The following CACNB2 variants were observed in gnomAD, a reference collection of about 807,000 sequenced individuals.
CACNB2 encodes the protein voltage-dependent L-type calcium channel subunit beta-2.
In CACNB2, 42 loss-of-function variants were observed where a neutral mutation model predicts 73.3. That is an observed-to-expected ratio of 0.57 (90% CI 0.45 to 0.74). CACNB2 has a LOEUF of 0.74. Ranked by LOEUF, CACNB2 falls within the 30% of genes least tolerant of loss-of-function variation. The pLI, the probability that CACNB2 is intolerant of heterozygous loss-of-function variation, is 0.00. For missense variants in CACNB2, 940 were observed against 853.0 expected, an observed-to-expected ratio of 1.10 and a Z score of -1.27; for synonymous variants, 348 against 310.3, an observed-to-expected ratio of 1.12 and a Z score of -1.28.
chr10:18,295,009 C>G (rs911825609), intron 2 of CACNB2, among the ~76,000 whole-genome samples: 12 of 152,162 alleles, frequency 7.9e-5, no homozygotes, highest in African/African-American at 1.7e-4. Flanking sequence ...CTGACACAGT[C>G]AAGCTTCATA....
intron 2 of CACNB2, among the ~76,000 whole-genome samples, chr10:18,288,467 T>A (rs920160129): frequency 6.6e-6 from 1 of 152,158 alleles, no homozygotes; most frequent in Admixed American, 6.5e-5. Context: ...AGTCAAAAGA[T>A]CAGGCTCCAA....
At chr10:18,402,665 C>T (rs1401116279) in intron 3 of CACNB2, among the ~76,000 whole-genome samples, 1 of 152,182 alleles carries the variant, frequency 6.6e-6, no homozygotes, top group Non-Finnish European at 1.5e-5. Context: ...TTACAGGATT[C>T]ATCTCAGGCC....
chr10:18,387,653 A>G (rs1489821682), intron 2 of CACNB2, among the ~76,000 whole-genome samples: 1 of 152,068 alleles, frequency 6.6e-6, no homozygotes, highest in Non-Finnish European at 1.5e-5. Context: ...TAGTAGAAGG[A>G]TCTAGCACAT....
chr10:18,441,945 G>A (rs1308495888), intron 3 of CACNB2, among the ~76,000 whole-genome samples: 3 of 152,208 alleles, frequency 2.0e-5, no homozygotes, highest in African/African-American at 7.2e-5. Context: ...TGATATACAT[G>A]TGTGTTGTAT....
chr10:18,481,561 C>CA (rs2048780127), intron 3 of CACNB2, among the ~76,000 whole-genome samples: 1 of 151,736 alleles, frequency 6.6e-6, no homozygotes, highest in Admixed American at 6.6e-5. Flanking sequence ...ATTCCTTTAA[C>CA]AGAGTGTCTT....
intron 3 of CACNB2, among the ~76,000 whole-genome samples, chr10:18,410,369 C>T (rs2132620338): frequency 6.6e-6 from 1 of 151,770 alleles, no homozygotes; most frequent in East Asian, 1.9e-4. Flanking sequence ...AAACATACTA[C>T]AAAAAAGAAA....
At chr10:18,193,966 A>C (rs187255941) in intron 2 of CACNB2, among the ~76,000 whole-genome samples, 43 of 152,286 alleles carry the variant, frequency 2.8e-4, no homozygotes, top group African/African-American at 8.7e-4. Flanking sequence ...TACAGAAAAA[A>C]ATAAAAAGAA....
In CACNB2 at chr10:18,205,375, G is replaced by A. The variant is rs1379113027; in HGVS notation, c.213+54400G>A. 2.6e-5 allele frequency among the ~76,000 whole-genome samples: 4 copies of A among 152,130 alleles called. No individual in the cohort carries two copies. In the South Asian group the frequency reaches 6.2e-4, roughly 24 times the overall value. On this transcript the variant is annotated intron_variant, in intron 2 of 13. Coordinates refer to ENST00000324631, the MANE Select transcript of CACNB2 (RefSeq NM_201596.3). ...TACTAAGCGCAGCAATTAGCCCAGC[G>A]AGCACTCGTAAATGGTAGCTGTTAT...
At chr10:18,511,617 G>A (rs1395162411) in intron 6 of CACNB2, among the ~76,000 whole-genome samples, 8 of 152,184 alleles carry the variant, frequency 5.3e-5, no homozygotes, top group Non-Finnish European at 1.2e-4. Flanking sequence ...GAGCTAACAT[G>A]TATAATATGA....
intron 3 of CACNB2, among the ~76,000 whole-genome samples, chr10:18,414,369 A>G (rs995880020): frequency 6.6e-6 from 1 of 151,844 alleles, no homozygotes; most frequent in African/African-American, 2.4e-5. Flanking sequence ...CTGTTTATTT[A>G]TGGTTATATT....
chr10:18,496,827 A>T (rs1359969631), intron 3 of CACNB2, among the ~76,000 whole-genome samples: 2 of 150,694 alleles, frequency 1.3e-5, no homozygotes, highest in Non-Finnish European at 3.0e-5. Context: ...AAAAAAAAAA[A>T]AAAAAAAGGA....
At chr10:18,216,807 A>C (rs2035530722) in intron 2 of CACNB2, among the ~76,000 whole-genome samples, 1 of 152,194 alleles carries the variant, frequency 6.6e-6, no homozygotes, top group Non-Finnish European at 1.5e-5. Flanking sequence ...CTCATGAAAA[A>C]TTCCTTAAAA....
intron 2 of CACNB2, among the ~76,000 whole-genome samples, chr10:18,266,586 C>T (rs1400197526): frequency 6.6e-6 from 1 of 151,796 alleles, no homozygotes; most frequent in African/African-American, 2.4e-5. Context: ...ATTGTCCCGA[C>T]AGTTAAAATA....
chr10:18,260,847 G>T, intron 2 of CACNB2: 1 of 1,076,210 alleles, frequency 9.3e-7, no homozygotes, highest in Non-Finnish European at 1.1e-6. Context: ...GTACTGCAGG[G>T]TCGCGAAATG....
At chr10:18,514,609 C>T (rs1400565132) in intron 7 of CACNB2, 4 of 1,501,978 alleles carry the variant, frequency 2.7e-6, no homozygotes, top group Non-Finnish European at 3.7e-6. Flanking sequence ...GTATTAAATA[C>T]AATCATTTCT....
intron 2 of CACNB2, among the ~76,000 whole-genome samples, chr10:18,244,319 GA>G (rs1470033725): frequency 2.6e-5 from 4 of 152,160 alleles, no homozygotes; most frequent in African/African-American, 9.7e-5. Context: ...ATGGATTTCA[GA>G]CATCAAATTC....
chr10:18,166,064 C>G (rs2032830123), intron 2 of CACNB2, among the ~76,000 whole-genome samples: 1 of 152,092 alleles, frequency 6.6e-6, no homozygotes, highest in Non-Finnish European at 1.5e-5. Flanking sequence ...TGTATATGTA[C>G]AAGTATACAT....
chr10:18,402,885 T>C (rs562837965), intron 3 of CACNB2, among the ~76,000 whole-genome samples: 2 of 152,346 alleles, frequency 1.3e-5, no homozygotes, highest in East Asian at 1.9e-4. Context: ...TTGTTGATCA[T>C]GCTAGAAATA....
intron 1 of CACNB2, among the ~76,000 whole-genome samples, chr10:18,142,210 C>T (rs555170159): frequency 6.6e-6 from 1 of 152,244 alleles, no homozygotes; most frequent in Non-Finnish European, 1.5e-5. Context: ...ACTTAAAACA[C>T]ATAATTCACT....
Sources: gnomAD v4.1 joint callset for allele counts (sites outside exome capture counted in the v4.1 genomes callset) on GRCh38, gnomAD v4.1.1 for gene constraint, MANE v1.5 for transcripts, NCBI Gene and HGNC (gene_info 2026-07-23, HGNC 2026-07-21) for gene names.